Variants in CAMK1D observed in about 807,000 individuals in gnomAD.
The protein encoded by CAMK1D is calcium/calmodulin-dependent protein kinase type 1D.
In CAMK1D, 9 loss-of-function variants were observed where a neutral mutation model predicts 47.7. That is an observed-to-expected ratio of 0.19 (90% CI 0.11 to 0.33). The LOEUF (loss-of-function observed/expected upper bound fraction) is 0.33, where lower values mean the gene tolerates loss of function less well. Among genes scored for constraint, CAMK1D ranks in the 10% least tolerant of loss-of-function variants. The pLI, the probability that CAMK1D is intolerant of heterozygous loss-of-function variation, is 1.00. For synonymous variants in CAMK1D, 184 were observed against 184.9 expected (o/e 0.99, Z 0.04); for missense variants, 291 against 488.7 (o/e 0.60, Z 3.81).
chr10:12,529,898 A>G (rs926067070), intron 1 of CAMK1D, among the ~76,000 whole-genome samples: 3 of 152,138 alleles, frequency 2.0e-5, no homozygotes, highest in Admixed American at 6.5e-5. Context: ...CTTTTTCCCC[A>G]TATTACACTG....
At chr10:12,532,601 A>T (rs1342193041) in intron 1 of CAMK1D, among the ~76,000 whole-genome samples, 2 of 152,014 alleles carry the variant, frequency 1.3e-5, no homozygotes, top group East Asian at 3.9e-4. Flanking sequence ...TTCAAGATTG[A>T]CCTTTCTGGA....
At chr10:12,445,770 T>C (rs1832907833) in intron 1 of CAMK1D, among the ~76,000 whole-genome samples, 1 of 152,236 alleles carries the variant, frequency 6.6e-6, no homozygotes, top group Non-Finnish European at 1.5e-5. Context: ...TTATTGTTAG[T>C]ATAACTTTTA....
intron 1 of CAMK1D, among the ~76,000 whole-genome samples, chr10:12,483,247 G>A (rs1834116454): frequency 6.6e-6 from 1 of 152,080 alleles, no homozygotes; most frequent in South Asian, 2.1e-4. Context: ...GGTCACTCAG[G>A]CTGGAGTGCA....
At chr10:12,731,484 A>G (rs1404879559) in intron 3 of CAMK1D, among the ~76,000 whole-genome samples, 1 of 152,246 alleles carries the variant, frequency 6.6e-6, no homozygotes, top group Non-Finnish European at 1.5e-5. Flanking sequence ...AGGGGTCAGC[A>G]TGATCGGGAG....
chr10:12,660,037 AT>A (rs1840231995), intron 2 of CAMK1D, among the ~76,000 whole-genome samples: 1 of 151,996 alleles, frequency 6.6e-6, no homozygotes, highest in South Asian at 2.1e-4. Flanking sequence ...TTCCGATTGT[AT>A]TTTCTTACAT....
chr10:12,532,324 G>A (rs2132223377), intron 1 of CAMK1D, among the ~76,000 whole-genome samples: 1 of 150,644 alleles, frequency 6.6e-6, no homozygotes, highest in East Asian at 2.0e-4. Flanking sequence ...CTGTCGCCCA[G>A]GCTGGAGTGC....
At chr10:12,489,779 T>C (rs764297310) in intron 1 of CAMK1D, among the ~76,000 whole-genome samples, 1 of 152,214 alleles carries the variant, frequency 6.6e-6, no homozygotes, top group Non-Finnish European at 1.5e-5. Flanking sequence ...TGAGCTGTTA[T>C]CTGCAACTCT....
At chr10:12,365,586 T>A (rs977017108) in intron 1 of CAMK1D, among the ~76,000 whole-genome samples, 47 of 151,926 alleles carry the variant, frequency 3.1e-4, no homozygotes, top group African/African-American at 1.1e-3. Flanking sequence ...CTACAGGCGC[T>A]TGCCACCATG....
At chr10:12,769,328 T>C (rs980273224) in intron 4 of CAMK1D, among the ~76,000 whole-genome samples, 10 of 152,242 alleles carry the variant, frequency 6.6e-5, no homozygotes, top group Non-Finnish European at 4.4e-5. Context: ...CAAGAGTTAC[T>C]TCATTTCCTG....
chr10:12,613,168 G>T (rs946246075), intron 2 of CAMK1D, among the ~76,000 whole-genome samples: 5 of 152,134 alleles, frequency 3.3e-5, no homozygotes, highest in Admixed American at 3.3e-4. Context: ...GCAATCTCAA[G>T]GCTCCAGGAA....
intron 10 of CAMK1D, 126 bp from the exon 11 acceptor site, chr10:12,828,643 G>A (rs1397672943): frequency 1.9e-5 from 9 of 465,242 alleles, no homozygotes; most frequent in East Asian, 4.8e-5. Flanking sequence ...TCCATCTCAA[G>A]AAAAAAAAAA....
chr10:12,777,024 A>T (rs114968074), intron 5 of CAMK1D, among the ~76,000 whole-genome samples: 3 of 152,198 alleles, frequency 2.0e-5, no homozygotes, highest in African/African-American at 7.2e-5. Context: ...TTTAGCCAGT[A>T]GGCAAATTTG....
intron 1 of CAMK1D, among the ~76,000 whole-genome samples, chr10:12,515,433 T>TTTTTTTTTTA (rs1554780600): frequency 7.7e-5 from 10 of 129,716 alleles, no homozygotes; most frequent in Non-Finnish European, 1.0e-4. Flanking sequence ...TTTTTTTCAT[T>TTTTTTTTTTA]ATACTTTAAG....
At chr10:12,763,395 C>T (rs995430287) in intron 4 of CAMK1D, among the ~76,000 whole-genome samples, 1 of 152,226 alleles carries the variant, frequency 6.6e-6, no homozygotes, top group Admixed American at 6.5e-5. Context: ...ACCTCCTTCT[C>T]TTCGTAGAAA....
rs528651408 is a variant in CAMK1D, at chr10:12,702,183, A to T, written c.299+35373A>T. ...AGGGGAGCAGGAATCGTGCAGGGAC[A>T]GCTGGCCATCCCTGGCACACAACGG... On this transcript the variant is annotated intron_variant, in intron 3 of 10. Coordinates refer to ENST00000619168, the MANE Select transcript of CAMK1D (RefSeq NM_153498.4). 3.9e-5 allele frequency among the ~76,000 whole-genome samples: 6 copies of T among 152,034 alleles called. No homozygotes were observed. In the East Asian group the frequency reaches 1.2e-3, roughly 30 times the overall value.
chr10:12,452,067 G>T (rs1282275640), intron 1 of CAMK1D, among the ~76,000 whole-genome samples: 1 of 152,192 alleles, frequency 6.6e-6, no homozygotes, highest in Non-Finnish European at 1.5e-5. Context: ...AAGGAGGAGA[G>T]TCTCGTGGAG....
At chr10:12,743,367 GA>G (rs1406017878) in intron 3 of CAMK1D, among the ~76,000 whole-genome samples, 2 of 138,662 alleles carry the variant, frequency 1.4e-5, no homozygotes, top group African/African-American at 5.8e-5. Flanking sequence ...AAAGAAAAAA[GA>G]AAAAAAGAAA....
Position 12,669,247 on chromosome 10 carries a change from ACC to A in CAMK1D, c.299+2440_299+2441del, listed in dbSNP as rs143143876. 5.4e-3 allele frequency among the ~76,000 whole-genome samples: 822 copies of A among 151,554 alleles called. 11 individuals carry two copies. Among genetic ancestry groups the A allele is most frequent in the African/African-American group, 0.018 (762 of 41,262 alleles). ...ACTCTGTCTCGAAACAAACAAAAAA[ACC>A]CCACAAAAAACCACGTCGTTAATAT... On this transcript the variant is annotated intron_variant, in intron 3 of 10. Transcript: ENST00000619168.
intron 1 of CAMK1D, among the ~76,000 whole-genome samples, chr10:12,458,889 T>C (rs950136089): frequency 1.3e-5 from 2 of 150,738 alleles, no homozygotes; most frequent in African/African-American, 4.9e-5. Flanking sequence ...CCTTTTTTTT[T>C]TTTTTTTGAG....
Sources: allele counts gnomAD v4.1 joint callset (sites outside exome capture counted in the v4.1 genomes callset), GRCh38; gene constraint gnomAD v4.1.1; transcripts MANE v1.5; gene names NCBI Gene and HGNC (gene_info 2026-07-23, HGNC 2026-07-21).